Variants in PGGT1B observed in about 807,000 individuals in gnomAD.
PGGT1B encodes geranylgeranyl transferase type-1 subunit beta.
A neutral mutation model predicts 46.1 loss-of-function variants in PGGT1B; 30 were observed. The observed-to-expected ratio is 0.65, with a 90% CI of 0.49 to 0.88. The LOEUF (loss-of-function observed/expected upper bound fraction) is 0.88. Ranked by LOEUF, PGGT1B falls within the 40% of genes least tolerant of loss-of-function variation. The pLI, the probability that PGGT1B is intolerant of heterozygous loss-of-function variation, is 0.00. For missense variants in PGGT1B, 376 were observed against 455.9 expected (o/e 0.82, Z 1.60); for synonymous variants, 170 against 160.0 (o/e 1.06, Z -0.47).
intron 4 of PGGT1B, 56 bp downstream of exon 4, chr5:115,237,802 T>G: frequency 6.8e-7 from 1 of 1,468,694 alleles, no homozygotes; most frequent in Non-Finnish European, 9.4e-7. Flanking sequence ...TATCCATTTT[T>G]TAGTTCCAAT....
chr5:115,237,248 C>A (rs1177141141), intron 4 of PGGT1B, among the ~76,000 whole-genome samples: 1 of 152,154 alleles, frequency 6.6e-6, no homozygotes, highest in African/African-American at 2.4e-5. Context: ...AGATGGAGCA[C>A]AAAGAGTTAA....
At position 115,206,372 on chromosome 5, in the gene PGGT1B, T is replaced by G. The variant is rs1756063122; in HGVS notation, c.*6030A>C. The G allele has an allele frequency of 6.6e-6, 1 of 151,944 alleles. No individual in the cohort carries two copies. Among genetic ancestry groups the G allele is most frequent in the Non-Finnish European group, 1.5e-5 (1 of 67,876 alleles). 9.4% of individuals were successfully genotyped at this position (151,944 alleles called of 1,614,324 possible). On this transcript the variant is annotated 3_prime_UTR_variant, in exon 9 of 9. Transcript: ENST00000419445. ...CTAAATGACCATTTTAAAAAAAGGT[T>G]CAAAGTGAAATAAGCTATATATTTT...
rs983805094 is a variant in PGGT1B at position 115,262,465 on chromosome 5, C to T, written c.140+247G>A. The T allele has an allele frequency of 5.9e-6, 3 of 512,332 alleles. No individual in the cohort carries two copies. In the Admixed American group the frequency reaches 1.1e-4, roughly 18 times the overall value. 31.7% of individuals were successfully genotyped at this position (512,332 alleles called of 1,614,324 possible). A position where few individuals can be genotyped will look rare whatever the true frequency, so the allele number is the denominator to read the frequency against. ...CGGGTAAAAAAGCAGCTCAGAGTTG[C>T]CAGAAGAAAAGGGAAGTGAAAAAGC... is the stretch of plus-strand genomic sequence containing the variant. On this transcript the variant is annotated intron_variant, in intron 1 of 8. Transcript: ENST00000419445.
intron 1 of PGGT1B, among the ~76,000 whole-genome samples, chr5:115,259,022 A>AAAAT (rs1490373858): frequency 2.0e-5 from 3 of 152,226 alleles, no homozygotes; most frequent in Non-Finnish European, 4.4e-5. Context: ...ACACTCTATT[A>AAAAT]AGAGTTAATA....
chr5:115,251,638 T>G (rs993328159), intron 2 of PGGT1B, among the ~76,000 whole-genome samples: 1 of 152,102 alleles, frequency 6.6e-6, no homozygotes, highest in Non-Finnish European at 1.5e-5. Context: ...TGGTCCATCC[T>G]TTTCTATAAA....
intron 6 of PGGT1B, among the ~76,000 whole-genome samples, chr5:115,226,327 G>A (rs1013573960): frequency 2.6e-5 from 4 of 152,076 alleles, no homozygotes; most frequent in African/African-American, 9.7e-5. Context: ...TAATTGGTAA[G>A]TATAATGCAA....
intron 1 of PGGT1B, among the ~76,000 whole-genome samples, chr5:115,254,439 T>C (rs1217821201): frequency 1.3e-5 from 2 of 152,088 alleles, no homozygotes; most frequent in Non-Finnish European, 2.9e-5. Context: ...ATTTTGTGCA[T>C]GAAACAAAGT....
At chr5:115,257,606 A>G (rs1748379432) in intron 1 of PGGT1B, among the ~76,000 whole-genome samples, 1 of 151,780 alleles carries the variant, frequency 6.6e-6, no homozygotes, top group African/African-American at 2.4e-5. Flanking sequence ...AGTCATACTG[A>G]TATAAGAAAT....
At chr5:115,228,334 T>C (rs991556023) in intron 6 of PGGT1B, among the ~76,000 whole-genome samples, 6 of 152,278 alleles carry the variant, frequency 3.9e-5, no homozygotes, top group Non-Finnish European at 7.4e-5. Context: ...GTTTGTAACA[T>C]AGGCAAAAAA....
At chr5:115,219,199 T>G (rs1756514659) in intron 7 of PGGT1B, among the ~76,000 whole-genome samples, 1 of 151,822 alleles carries the variant, frequency 6.6e-6, no homozygotes, top group Non-Finnish European at 1.5e-5. Context: ...CTTTGAAACT[T>G]ACTACAAAGC....
chr5:115,242,430 A>G (rs926383017), intron 2 of PGGT1B, among the ~76,000 whole-genome samples: 5 of 152,224 alleles, frequency 3.3e-5, no homozygotes, highest in African/African-American at 1.2e-4. Context: ...TGGTCTAAAA[A>G]TAGTCTCTGA....
intron 7 of PGGT1B, among the ~76,000 whole-genome samples, 156 bp from the exon 8 acceptor site, chr5:115,217,129 A>T (rs553503316): frequency 6.6e-6 from 1 of 152,286 alleles, no homozygotes; most frequent in East Asian, 1.9e-4. Flanking sequence ...TGAGTAAATC[A>T]CATTAACTTT....
rs1283710453 is a variant in PGGT1B at position 115,232,514 on chromosome 5, T to C, written c.613-1493A>G. Reference sequence around the variant, plus strand: ...ATTTCTAATGTTTTAAATTATAGTATACCATATACTGATTTTACTATTTAA... The same window carrying C: ...ATTTCTAATGTTTTAAATTATAGTACACCATATACTGATTTTACTATTTAA... On this transcript the variant is annotated intron_variant, in intron 5 of 8. Coordinates refer to ENST00000419445, the MANE Select transcript of PGGT1B (RefSeq NM_005023.4). Among the ~76,000 whole-genome samples the C allele has an allele frequency of 3.3e-5, 5 of 152,204 alleles. No homozygotes were observed. The East Asian group carries it at 9.6e-4, about 29-fold the overall frequency.
chr5:115,230,933 G>C (rs768632577), intron 6 of PGGT1B, 43 bp downstream of exon 6: 2 of 1,252,232 alleles, frequency 1.6e-6, no homozygotes, highest in South Asian at 2.5e-5. Flanking sequence ...GTTGTCTAAG[G>C]GAACAAAAGA....
In PGGT1B at chr5:115,211,196, A is replaced by ATAGTT. The variant is rs1207843399; in HGVS notation, c.*1205_*1206insAACTA. Reference sequence around the variant, plus strand: ...ACTAGACGCAATAGTTCTGAATGTCACTGAGCAAGTAACGGATATGAGTTA... The same window carrying ATAGTT: ...ACTAGACGCAATAGTTCTGAATGTCATAGTTCTGAGCAAGTAACGGATATGAGTTA... On this transcript the variant is annotated 3_prime_UTR_variant, in exon 9 of 9. Coordinates refer to ENST00000419445, the MANE Select transcript of PGGT1B (RefSeq NM_005023.4). The ATAGTT allele has an allele frequency of 1.3e-5, 2 of 152,064 alleles. No individual in the cohort carries two copies. The highest frequency in any genetic ancestry group is 6.6e-5 in the Admixed American group (1 of 15,266). 9.4% of individuals were successfully genotyped at this position (152,064 alleles called of 1,614,324 possible). A position where few individuals can be genotyped will look rare whatever the true frequency, so the allele number is the denominator to read the frequency against.
At chr5:115,227,598 T>C (rs1299624037) in intron 6 of PGGT1B, among the ~76,000 whole-genome samples, 4 of 152,156 alleles carry the variant, frequency 2.6e-5, no homozygotes, top group Admixed American at 2.6e-4. Context: ...TTTCTAGATT[T>C]CCCTGTATGG....
At chr5:115,226,951 A>C (rs1334249711) in intron 6 of PGGT1B, among the ~76,000 whole-genome samples, 1 of 152,060 alleles carries the variant, frequency 6.6e-6, no homozygotes, top group Non-Finnish European at 1.5e-5. Context: ...AAGCAGAAGC[A>C]AGTGGAAAGG....
intron 6 of PGGT1B, among the ~76,000 whole-genome samples, chr5:115,230,362 A>G (rs1357752943): frequency 6.6e-6 from 1 of 152,126 alleles, no homozygotes; most frequent in African/African-American, 2.4e-5. Context: ...TCTTTTTAGA[A>G]AAGAAGAATG....
At position 115,262,705 on chromosome 5, in the gene PGGT1B, G is replaced by C. The variant is rs1748617841; in HGVS notation, c.140+7C>G. On this transcript the variant is annotated splice_region_variant and intron_variant, in intron 1 of 8. Transcript: ENST00000419445. ...GTGCCAGCCTGGCTGACTGTGCCAC[G>C]AGTTACCTGCTTGTCTCGAGTGAAG... 1 of 1,602,512 alleles carries C rather than the reference G, an allele frequency of 6.2e-7. No homozygotes were observed. The highest frequency in any genetic ancestry group is 1.1e-5 in the South Asian group (1 of 89,408).
Sources: allele counts gnomAD v4.1 joint callset (sites outside exome capture counted in the v4.1 genomes callset), GRCh38; gene constraint gnomAD v4.1.1; transcripts MANE v1.5; gene names NCBI Gene and HGNC (gene_info 2026-07-23, HGNC 2026-07-21).